NMRK1: variants seen among roughly 807,000 people sequenced by gnomAD.
NMRK1 encodes the protein NRK 1.
Under a neutral mutation model 29.9 loss-of-function variants are expected in NMRK1, and 28 were observed. The observed-to-expected ratio is 0.94, with a 90% CI of 0.69 to 1.28. The LOEUF (loss-of-function observed/expected upper bound fraction) is 1.28, where lower values mean the gene tolerates loss of function less well. Ranked by LOEUF, NMRK1 falls within the 50% of genes most tolerant of loss-of-function variation. The pLI, the probability that NMRK1 is intolerant of heterozygous loss-of-function variation, is 0.00. For missense variants in NMRK1, 218 were observed against 233.1 expected (o/e 0.94, Z 0.42); for synonymous variants, 58 against 73.0 (o/e 0.79, Z 1.05).
At chr9:75,066,202 G>A (rs1823330976) in intron 8 of NMRK1, 3 of 496,200 alleles carry the variant, frequency 6.0e-6, no homozygotes, top group South Asian at 1.5e-5. Flanking sequence ...TAATCCAGCT[G>A]AGCCTGAAGC....
At chr9:75,078,470 C>G in intron 2 of NMRK1, 1 of 1,484,368 alleles carries the variant, frequency 6.7e-7, no homozygotes, top group Non-Finnish European at 9.0e-7. Flanking sequence ...AGAAGGGGCA[C>G]TGAGTTACTC....
intron 1 of NMRK1, among the ~76,000 whole-genome samples, chr9:75,086,830 T>C (rs1314315975): frequency 6.6e-6 from 1 of 152,158 alleles, no homozygotes; most frequent in African/African-American, 2.4e-5. Context: ...GATTCTCTTC[T>C]TCCAGGAGAT....
At chr9:75,069,645 T>A in intron 6 of NMRK1, 97 bp downstream of exon 6, 1 of 902,482 alleles carries the variant, frequency 1.1e-6, no homozygotes, top group East Asian at 2.5e-5. Context: ...CTCTGAAAAA[T>A]GACGTATACG....
chr9:75,069,919 T>C lies in NMRK1; in HGVS notation c.293A>G (p.Glu98Gly). ...SAEEIPILII[E>G]GFLLFNYKPL... ...CTTATAATTAAAAAGAAGAAAACCT[T>C]CGATGATTAAAATGGGAATTTCCTC... Residue 98 changes from glutamate to glycine, a missense_variant, in exon 5 of 9, where the codon GAA becomes GGA. Glu to Gly is a moderately conservative substitution (Grantham distance 98). Transcript: ENST00000361092. 1 of 1,613,926 alleles carries C rather than the reference T, an allele frequency of 6.2e-7. No homozygotes were observed. The highest frequency in any genetic ancestry group is 8.5e-7 in the Non-Finnish European group (1 of 1,179,920).
At chr9:75,069,507 T>A (rs192538981) in intron 6 of NMRK1, 3 of 515,938 alleles carry the variant, frequency 5.8e-6, no homozygotes, top group Non-Finnish European at 1.0e-5. Context: ...GTTTGAGGAT[T>A]TAGGAGAAAT....
chr9:75,071,908 T>A (rs920123081), intron 4 of NMRK1, among the ~76,000 whole-genome samples: 11 of 152,122 alleles, frequency 7.2e-5, no homozygotes, highest in Admixed American at 4.6e-4. Flanking sequence ...TACTGCCAGG[T>A]GGAGGCGAAA....
At chr9:75,067,057 T>C (rs534727236) in intron 7 of NMRK1, 20 of 396,070 alleles carry the variant, frequency 5.0e-5, no homozygotes, top group Non-Finnish European at 8.6e-5. Context: ...AAATCCACAC[T>C]GGCTTATGTG....
chr9:75,085,586 A>G (rs1824569558), intron 1 of NMRK1, among the ~76,000 whole-genome samples: 1 of 152,080 alleles, frequency 6.6e-6, no homozygotes, highest in Admixed American at 6.6e-5. Context: ...CATTGCATCA[A>G]TTACATGGCA....
At chr9:75,078,240 T>A (rs1824117450) in intron 2 of NMRK1, 1 of 1,521,116 alleles carries the variant, frequency 6.6e-7, no homozygotes, top group Non-Finnish European at 8.9e-7. Flanking sequence ...TTAGTGCAAG[T>A]GTATAAAACT....
chr9:75,069,228 AC>A, intron 6 of NMRK1, 126 bp from the exon 7 acceptor site: 1 of 628,028 alleles, frequency 1.6e-6, no homozygotes, highest in Non-Finnish European at 2.8e-6. Flanking sequence ...GACTACATGT[AC>A]TACATGTTTT....
intron 4 of NMRK1, among the ~76,000 whole-genome samples, chr9:75,076,156 C>G (rs773466356): frequency 5.9e-5 from 9 of 152,108 alleles, no homozygotes; most frequent in Non-Finnish European, 1.2e-4. Context: ...TCACAAATAG[C>G]CAGAATATGA....
At position 75,066,933 on chromosome 9, in the gene NMRK1, T is replaced by C. The variant is rs1405319186; in HGVS notation, c.497-93A>G. On this transcript the variant is annotated intron_variant, in intron 7 of 8. Transcript: ENST00000361092. ...ACCCAACATCTCTTGTAAATGCCAA[T>C]AGGTTTAACCAAGGCACCCAGGACC... is the stretch of plus-strand genomic sequence containing the variant. 4.1e-6 allele frequency: 3 copies of C among 732,936 alleles called. No individual in the cohort carries two copies. The Admixed American group carries it at 7.3e-5, about 18-fold the overall frequency. 45.4% of individuals were successfully genotyped at this position (732,936 alleles called of 1,614,324 possible).
At chr9:75,074,479 C>T (rs919422237) in intron 4 of NMRK1, among the ~76,000 whole-genome samples, 3 of 152,070 alleles carry the variant, frequency 2.0e-5, no homozygotes, top group African/African-American at 7.2e-5. Flanking sequence ...CTTTGCCTCC[C>T]GGGCTCAAGT....
rs1779839497 is a variant in NMRK1 at position 75,061,390 on chromosome 9, TG to T, written c.*157del. The T allele has an allele frequency of 1.6e-6, 1 of 644,134 alleles. No homozygotes were observed. Among genetic ancestry groups the T allele is most frequent in the East Asian group, 2.7e-5 (1 of 36,632 alleles). The allele number at this position is 644,134 out of a possible 1,614,324, so 39.9% of individuals were successfully genotyped here. Reference sequence around the variant, plus strand: ...CCTGTCCATTGGCATGGATATTTATTGTTCCACATGTTGGGAAAACCATGTG... The same window carrying T: ...CCTGTCCATTGGCATGGATATTTATTTTCCACATGTTGGGAAAACCATGTG... On this transcript the variant is annotated 3_prime_UTR_variant, in exon 9 of 9. Transcript: ENST00000361092.
intron 8 of NMRK1, among the ~76,000 whole-genome samples, chr9:75,065,539 G>A (rs1395511009): frequency 1.3e-5 from 2 of 152,104 alleles, no homozygotes; most frequent in African/African-American, 4.8e-5. Flanking sequence ...GGCTGGTCTT[G>A]AACTCCTGGC....
At chr9:75,064,633 G>A (rs1823234008) in intron 8 of NMRK1, among the ~76,000 whole-genome samples, 1 of 152,186 alleles carries the variant, frequency 6.6e-6, no homozygotes, top group Non-Finnish European at 1.5e-5. Flanking sequence ...ATGATGGGCT[G>A]ATCCTGAAAT....
At chr9:75,072,236 A>T (rs1823741333) in intron 4 of NMRK1, among the ~76,000 whole-genome samples, 1 of 152,108 alleles carries the variant, frequency 6.6e-6, no homozygotes, top group South Asian at 2.1e-4. Flanking sequence ...TAGCCATGTC[A>T]TTCCTCCCGT....
intron 2 of NMRK1, among the ~76,000 whole-genome samples, chr9:75,080,229 G>A (rs946935102): frequency 6.6e-6 from 1 of 152,212 alleles, no homozygotes; most frequent in African/African-American, 2.4e-5. Context: ...ATGGAGATGG[G>A]AAAGTCTAAT....
chr9:75,070,911 C>T (rs1385686249), intron 4 of NMRK1, among the ~76,000 whole-genome samples: 7 of 151,848 alleles, frequency 4.6e-5, no homozygotes, highest in Admixed American at 6.6e-5. Context: ...CCTTTTATCT[C>T]TTTAATGTCT....
Sources: allele counts gnomAD v4.1 joint callset (sites outside exome capture counted in the v4.1 genomes callset), GRCh38; gene constraint gnomAD v4.1.1; transcripts MANE v1.5; gene names NCBI Gene and HGNC (gene_info 2026-07-23, HGNC 2026-07-21).